The following GRAMD2B variants were observed in gnomAD, a reference collection of about 807,000 sequenced individuals.
GRAMD2B encodes GRAM domain containing 2B.
GRAMD2B carries 41 observed loss-of-function variants against 59.2 expected under a neutral mutation model. That is an observed-to-expected ratio of 0.69 (90% confidence interval 0.54 to 0.90). The LOEUF (loss-of-function observed/expected upper bound fraction) is 0.90. GRAMD2B is among the 40% of genes least tolerant of loss of function. The pLI is 0.00. For missense variants in GRAMD2B, 424 were observed against 500.5 expected, an observed-to-expected ratio of 0.85 and a Z score of 1.46; for synonymous variants, 161 against 182.7, an observed-to-expected ratio of 0.88 and a Z score of 0.96.
At chr5:126,371,977 T>C (rs1489586844) in intron 1 of GRAMD2B, among the ~76,000 whole-genome samples, 1 of 152,196 alleles carries the variant, frequency 6.6e-6, no homozygotes, top group Admixed American at 6.5e-5. Context: ...ATTAAGATAA[T>C]TGCCTTCTTT....
In GRAMD2B at chr5:126,360,169, C is replaced by G; in HGVS notation, c.-163C>G. On this transcript the variant is annotated 5_prime_UTR_variant, in exon 1 of 14. Transcript: ENST00000513040. ...GGGTTTCAAGTGCGGCTGGTGCCAT[C>G]CCTCTGAGCAGACGCTGAAAGAGAA... 7.1e-6 allele frequency: 5 copies of G among 704,618 alleles called. No individual in the cohort carries two copies. In the South Asian group the frequency reaches 1.0e-4, roughly 14 times the overall value. 43.6% of individuals were successfully genotyped at this position (704,618 alleles called of 1,614,324 possible). A position where few individuals can be genotyped will look rare whatever the true frequency, so the allele number is the denominator to read the frequency against.
intron 1 of GRAMD2B, among the ~76,000 whole-genome samples, chr5:126,384,891 C>T (rs570862221): frequency 3.9e-4 from 60 of 152,332 alleles, no homozygotes; most frequent in African/African-American, 1.4e-3. Context: ...TATTTATCTT[C>T]GGTATAACAT....
At chr5:126,451,266 G>T (rs2126680555) in intron 1 of GRAMD2B, among the ~76,000 whole-genome samples, 1 of 152,374 alleles carries the variant, frequency 6.6e-6, no homozygotes, top group Middle Eastern at 3.4e-3. Context: ...TTACAAGTAT[G>T]TTAGTCCATT....
At chr5:126,422,787 C>T (rs961423254), upstream of GRAMD2B, among the ~76,000 whole-genome samples, 6 of 152,186 alleles carry the variant, frequency 3.9e-5, no homozygotes, top group Non-Finnish European at 8.8e-5. Context: ...AAATAAGGTA[C>T]TTGCACAACT....
intron 5 of GRAMD2B, among the ~76,000 whole-genome samples, 170 bp downstream of exon 5, chr5:126,473,538 A>G (rs1052855862): frequency 1.3e-5 from 2 of 152,176 alleles, no homozygotes; most frequent in Non-Finnish European, 2.9e-5. Flanking sequence ...TGCCTCCAGA[A>G]GACACTAACT....
chr5:126,410,089 T>C (rs1758646081), intron 1 of GRAMD2B, among the ~76,000 whole-genome samples: 1 of 152,026 alleles, frequency 6.6e-6, no homozygotes, highest in Non-Finnish European at 1.5e-5. Context: ...TTGGTTACTG[T>C]AGCCTTGTAG....
In GRAMD2B at chr5:126,493,128, G is replaced by C; in HGVS notation, c.*172G>C. The C allele has an allele frequency of 1.7e-6, 1 of 582,712 alleles. No homozygotes were observed. The highest frequency in any genetic ancestry group is 3.1e-6 in the Non-Finnish European group (1 of 320,428). The allele number at this position is 582,712 out of a possible 1,614,324, so 36.1% of individuals were successfully genotyped here. A position where few individuals can be genotyped will look rare whatever the true frequency, so the allele number is the denominator to read the frequency against. On this transcript the variant is annotated 3_prime_UTR_variant, in exon 14 of 14. Transcript: ENST00000285689. ...GGAAAGTGAGGAGGGAAATAATTTT[G>C]GTTCTTGTGCAATAAAAGTTGACCT...
chr5:126,465,604 G>A, intron 2 of GRAMD2B, 59 bp downstream of exon 2: 1 of 1,492,428 alleles, frequency 6.7e-7, no homozygotes, highest in Non-Finnish European at 9.2e-7. Context: ...AGGCGTTACA[G>A]GAGGAGCAGG....
chr5:126,429,078 A>T lies in GRAMD2B; in HGVS notation c.83+5389A>T, dbSNP rs138538163. Among the ~76,000 whole-genome samples, 46 of 152,328 alleles carry T rather than the reference A, an allele frequency of 3.0e-4. 2 individuals carry two copies. In the East Asian group the frequency reaches 8.3e-3, roughly 27 times the overall value. ...ATATAAATTGTTCTTTTATAAAGAC[A>T]CATGCATGTGTATGTTCACTGCAGC... On this transcript the variant is annotated intron_variant, in intron 1 of 13. Coordinates refer to ENST00000285689, the MANE Select transcript of GRAMD2B (RefSeq NM_023927.4).
intron 5 of GRAMD2B, among the ~76,000 whole-genome samples, chr5:126,475,260 T>C (rs1055903012): frequency 6.6e-6 from 1 of 152,212 alleles, no homozygotes; most frequent in Admixed American, 6.5e-5. Context: ...GATTTAAGCT[T>C]TATTTTACAA....
chr5:126,486,350 A>T (rs1772910739), intron 11 of GRAMD2B, among the ~76,000 whole-genome samples: 1 of 152,226 alleles, frequency 6.6e-6, no homozygotes, highest in Non-Finnish European at 1.5e-5. Context: ...GGGCCAACAC[A>T]ACTTGAAAAT....
At chr5:126,457,476 CA>C in intron 1 of GRAMD2B, among the ~76,000 whole-genome samples, 1 of 151,706 alleles carries the variant, frequency 6.6e-6, no homozygotes, top group South Asian at 2.1e-4. Flanking sequence ...TCTAAAAATA[CA>C]AAAATTAACC....
At chr5:126,412,920 G>T (rs1758943729) in intron 1 of GRAMD2B, among the ~76,000 whole-genome samples, 1 of 152,014 alleles carries the variant, frequency 6.6e-6, no homozygotes, top group African/African-American at 2.4e-5. Flanking sequence ...AGTCTCTGAG[G>T]ATCTTCTGCA....
chr5:126,456,528 C>T (rs1561549914), intron 1 of GRAMD2B, among the ~76,000 whole-genome samples: 1 of 152,054 alleles, frequency 6.6e-6, no homozygotes, highest in African/African-American at 2.4e-5. Context: ...TCTAACTGTA[C>T]CCAGTTTTAG....
At chr5:126,436,158 A>C (rs1762369637) in intron 1 of GRAMD2B, among the ~76,000 whole-genome samples, 1 of 152,240 alleles carries the variant, frequency 6.6e-6, no homozygotes, top group Non-Finnish European at 1.5e-5. Context: ...CAGAAATGAA[A>C]TTGGGGAATA....
intron 1 of GRAMD2B, among the ~76,000 whole-genome samples, chr5:126,445,988 G>A (rs1224253182): frequency 1.3e-5 from 2 of 152,096 alleles, no homozygotes; most frequent in African/African-American, 4.8e-5. Context: ...GTGGACTAGT[G>A]TGAGAACAGG....
At chr5:126,463,584 A>G (rs917819456) in intron 1 of GRAMD2B, among the ~76,000 whole-genome samples, 6 of 152,198 alleles carry the variant, frequency 3.9e-5, no homozygotes, top group Non-Finnish European at 8.8e-5. Flanking sequence ...ACATAATGCA[A>G]TTCTGTTATG....
intron 1 of GRAMD2B, among the ~76,000 whole-genome samples, chr5:126,409,391 G>A (rs1405483097): frequency 5.9e-5 from 9 of 152,196 alleles, no homozygotes; most frequent in Non-Finnish European, 1.2e-4. Context: ...TAACTAGTAT[G>A]AGATGGTATC....
intron 5 of GRAMD2B, among the ~76,000 whole-genome samples, chr5:126,474,932 C>A (rs1219225997): frequency 1.3e-5 from 2 of 152,156 alleles, no homozygotes; most frequent in African/African-American, 4.8e-5. Flanking sequence ...TGTTCCATCC[C>A]TTCTAAGGAT....
Sources: gnomAD v4.1 joint callset for allele counts (sites outside exome capture counted in the v4.1 genomes callset) on GRCh38, gnomAD v4.1.1 for gene constraint, MANE v1.5 for transcripts, NCBI Gene and HGNC (gene_info 2026-07-23, HGNC 2026-07-21) for gene names.